PLAGL1: variants seen among roughly 807,000 people sequenced by gnomAD.
PLAGL1 encodes PLAG1 like zinc finger 1.
In PLAGL1, 1 loss-of-function variant was observed where a neutral mutation model predicts 4.6. The observed-to-expected ratio is 0.22, with a 90% CI of 0.08 to 1.03. The LOEUF (loss-of-function observed/expected upper bound fraction) is 1.03. Among genes scored for constraint, PLAGL1 ranks in the 50% least tolerant of loss-of-function variants. The pLI is 0.58. For synonymous variants in PLAGL1, 240 were observed against 237.8 expected, an observed-to-expected ratio of 1.01 and a Z score of -0.08; for missense variants, 464 against 570.4, an observed-to-expected ratio of 0.81 and a Z score of 1.90.
In PLAGL1 at chr6:143,990,378, C is replaced by T. The variant is rs1790208328; in HGVS notation, c.-583-5204G>A. On this transcript the variant is annotated intron_variant, in intron 1 of 7. Coordinates refer to ENST00000674357, the MANE Select transcript of PLAGL1 (RefSeq NM_001317162.2). This position sits in a 1 kb window ranked among gnomAD's most constrained non-coding sequence, Gnocchi z 5.4. ...TCGGGATCCGCCCGCCTTGGCCTCCCAAAGTGCAGGGATTACAGGTGTGAG... is the reference window on the plus strand; with the variant it reads ...TCGGGATCCGCCCGCCTTGGCCTCCTAAAGTGCAGGGATTACAGGTGTGAG... 6.6e-6 allele frequency among the ~76,000 whole-genome samples: 1 copy of T among 152,202 alleles called. No homozygotes were observed. Among genetic ancestry groups the T allele is most frequent in the African/African-American group, 2.4e-5 (1 of 41,440 alleles).
Position 144,005,337 on chromosome 6 carries a change from A to G in PLAGL1, c.-584+2753T>C, listed in dbSNP as rs1793942182. ...TATACTACATAGAAAGCAGCAGTAAATGAAAATCTGCAGTATTTTCAAATG... is the reference window on the plus strand; with the variant it reads ...TATACTACATAGAAAGCAGCAGTAAGTGAAAATCTGCAGTATTTTCAAATG... On this transcript the variant is annotated intron_variant, in intron 1 of 7. Coordinates refer to ENST00000674357, the MANE Select transcript of PLAGL1 (RefSeq NM_001317162.2). This position sits in a 1 kb window ranked among gnomAD's most constrained non-coding sequence, Gnocchi z 4.6. 1 of 152,192 alleles carries G rather than the reference A, an allele frequency of 6.6e-6. No individual in the cohort carries two copies. The highest frequency in any genetic ancestry group is 2.4e-5 in the African/African-American group (1 of 41,456). The allele number at this position is 152,192 out of a possible 1,614,324, so 9.4% of individuals were successfully genotyped here. A position where few individuals can be genotyped will look rare whatever the true frequency, so the allele number is the denominator to read the frequency against.
Position 143,973,011 on chromosome 6 carries a change from G to A in PLAGL1, c.-543-4033C>T, listed in dbSNP as rs1785724116. 6.6e-6 allele frequency among the ~76,000 whole-genome samples: 1 copy of A among 152,060 alleles called. No homozygotes were observed. The highest frequency in any genetic ancestry group is 2.1e-4 in the South Asian group (1 of 4,822). On this transcript the variant is annotated intron_variant, in intron 2 of 7. Coordinates refer to ENST00000674357, the MANE Select transcript of PLAGL1 (RefSeq NM_001317162.2). This position sits in a 1 kb window ranked among gnomAD's most constrained non-coding sequence, Gnocchi z 6.2. The stretch of plus-strand genomic sequence containing the variant: ...GCATGAGAAACTCCCGTCTCCTTTG[G>A]GGTGAATTTCCCAATTCCTCTGTGT...
At chr6:144,038,471 A>G (rs1385816220) in intron 1 of PLAGL1, among the ~76,000 whole-genome samples, 1 of 152,236 alleles carries the variant, frequency 6.6e-6, no homozygotes, top group Non-Finnish European at 1.5e-5. Flanking sequence ...AGGTACTGGC[A>G]TTAAGGCTAG....
intron 1 of PLAGL1, among the ~76,000 whole-genome samples, chr6:144,002,552 C>T (rs1361116165): frequency 1.3e-5 from 2 of 151,864 alleles, no homozygotes; most frequent in Non-Finnish European, 2.9e-5. Context: ...CTGCATACTG[C>T]CAAAACTATA....
intron 2 of PLAGL1, among the ~76,000 whole-genome samples, chr6:143,969,237 A>G (rs1012374113): frequency 6.6e-6 from 1 of 152,022 alleles, no homozygotes; most frequent in African/African-American, 2.4e-5. Context: ...TGGTGCCAGA[A>G]AGCTTAGATT....
intron 1 of PLAGL1, among the ~76,000 whole-genome samples, chr6:144,035,857 G>T (rs1797194318): frequency 6.6e-6 from 1 of 152,076 alleles, no homozygotes; most frequent in African/African-American, 2.4e-5. Context: ...ACAATGTCAA[G>T]AACATTTCTG....
rs145951564 is a variant in PLAGL1, at chr6:143,970,190, C to T, written c.-543-1212G>A. 1.1e-3 allele frequency among the ~76,000 whole-genome samples: 163 copies of T among 152,248 alleles called. 3 individuals carry two copies. The East Asian group carries it at 0.028, about 26-fold the overall frequency. On this transcript the variant is annotated intron_variant, in intron 2 of 7. Transcript: ENST00000674357. This position sits in a 1 kb window ranked among gnomAD's most constrained non-coding sequence, Gnocchi z 5.8. ...GCTGTTGTATGTGTTTTTAAAATAACGAAACCATATCAATTTGAATCTTAC... is the reference window on the plus strand; with the variant it reads ...GCTGTTGTATGTGTTTTTAAAATAATGAAACCATATCAATTTGAATCTTAC...
intron 1 of PLAGL1, among the ~76,000 whole-genome samples, chr6:144,021,005 G>A (rs1795941208): frequency 1.3e-5 from 2 of 150,968 alleles, no homozygotes; most frequent in Admixed American, 6.6e-5. Context: ...AGGACACAGT[G>A]TTTAGGGAGG....
At chr6:143,956,335 C>T (rs1440037118) in intron 6 of PLAGL1, among the ~76,000 whole-genome samples, 1 of 152,184 alleles carries the variant, frequency 6.6e-6, no homozygotes, top group Non-Finnish European at 1.5e-5. Flanking sequence ...ATGGAAGCAG[C>T]CTTGTGGGGG....
Position 143,990,118 on chromosome 6 carries a change from A to ATTTTTTTTTTTTTTTTTTTTTT in PLAGL1, c.-583-4945_-583-4944insAAAAAAAAAAAAAAAAAAAAAA. Among the ~76,000 whole-genome samples the ATTTTTTTTTTTTTTTTTTTTTT allele has an allele frequency of 6.7e-6, 1 of 150,112 alleles. No individual in the cohort carries two copies. ...CACATACTATGCTCTGATATTCCCC[A>ATTTTTTTTTTTTTTTTTTTTTT]ATTTTTTTTTTTTTCTTTTTTGAGA... On this transcript the variant is annotated intron_variant, in intron 1 of 7. Coordinates refer to ENST00000674357, the MANE Select transcript of PLAGL1 (RefSeq NM_001317162.2). This position sits in a 1 kb window ranked among gnomAD's most constrained non-coding sequence, Gnocchi z 5.4.
rs933990998 is a variant in PLAGL1, at chr6:143,960,360, G to C, written c.-325+109C>G. The stretch of plus-strand genomic sequence containing the variant: ...GAGGAAATGTGTTTATTTTCCACTA[G>C]AACCTTTTTGAAGTACCCTGAACCT... On this transcript the variant is annotated intron_variant, in intron 6 of 7. Coordinates refer to ENST00000674357, the MANE Select transcript of PLAGL1 (RefSeq NM_001317162.2). The surrounding 1 kb of genome is among the most constrained non-coding windows in gnomAD (Gnocchi z 5.7). 6.6e-6 allele frequency: 1 copy of C among 152,180 alleles called. No individual in the cohort carries two copies. The highest frequency in any genetic ancestry group is 2.4e-5 in the African/African-American group (1 of 41,438). 9.4% of individuals were successfully genotyped at this position (152,180 alleles called of 1,614,324 possible). A position where few individuals can be genotyped will look rare whatever the true frequency, so the allele number is the denominator to read the frequency against.
rs1171979817 is a variant in PLAGL1, at chr6:143,985,877, G to A, written c.-583-703C>T. Among the ~76,000 whole-genome samples, 2 of 146,742 alleles carry A rather than the reference G, an allele frequency of 1.4e-5. No individual in the cohort carries two copies. Among genetic ancestry groups the A allele is most frequent in the Admixed American group, 6.8e-5 (1 of 14,672 alleles). ...CCTCTGAGTGCTTACCATCGGCCAAGCTACATATTATATATTATTATGTGT... is the reference window on the plus strand; with the variant it reads ...CCTCTGAGTGCTTACCATCGGCCAAACTACATATTATATATTATTATGTGT... On this transcript the variant is annotated intron_variant, in intron 1 of 7. Coordinates refer to ENST00000674357, the MANE Select transcript of PLAGL1 (RefSeq NM_001317162.2). This position sits in a 1 kb window ranked among gnomAD's most constrained non-coding sequence, Gnocchi z 4.4.
intron 1 of PLAGL1, among the ~76,000 whole-genome samples, chr6:144,019,631 T>G (rs1795825270): frequency 6.6e-6 from 1 of 152,102 alleles, no homozygotes. Flanking sequence ...CAAATGCTGA[T>G]GTAGTTAAAC....
chr6:144,043,019 G>C (rs1474125522), intron 1 of PLAGL1, among the ~76,000 whole-genome samples: 1 of 152,162 alleles, frequency 6.6e-6, no homozygotes, highest in Non-Finnish European at 1.5e-5. Flanking sequence ...TTTCCACATT[G>C]ATTTTGTATC....
At chr6:144,049,772 T>C (rs1254193432) in intron 1 of PLAGL1, among the ~76,000 whole-genome samples, 1 of 152,228 alleles carries the variant, frequency 6.6e-6, no homozygotes, top group Non-Finnish European at 1.5e-5. Flanking sequence ...TATGTCACTC[T>C]ATTACTAGTC....
At chr6:144,058,442 C>T (rs1030662346) in intron 1 of PLAGL1, among the ~76,000 whole-genome samples, 9 of 152,226 alleles carry the variant, frequency 5.9e-5, no homozygotes, top group Non-Finnish European at 8.8e-5. Flanking sequence ...CATCATTCTG[C>T]CCCAGCCCCC....
rs1483648759 is a variant in PLAGL1 at position 144,004,719 on chromosome 6, T to C, written c.-584+3371A>G. Among the ~76,000 whole-genome samples the C allele has an allele frequency of 6.6e-6, 1 of 152,036 alleles. No homozygotes were observed. Among genetic ancestry groups the C allele is most frequent in the Non-Finnish European group, 1.5e-5 (1 of 67,984 alleles). On this transcript the variant is annotated intron_variant, in intron 1 of 7. Coordinates refer to ENST00000674357, the MANE Select transcript of PLAGL1 (RefSeq NM_001317162.2). The surrounding 1 kb of genome is among the most constrained non-coding windows in gnomAD (Gnocchi z 4.2). ...ACTTTTTTTTGTTGTACATAAATTA[T>C]AGAACTAAAAAACATATGTAGAATT... is the stretch of plus-strand genomic sequence containing the variant.
rs1786408789 is a variant in PLAGL1 at position 143,975,907 on chromosome 6, A to C, written c.-543-6929T>G. Reference sequence around the variant, plus strand: ...AGACTGTTACCACTTGAAGAGAAAAATACACACAGGGATATCTGTTGTCTG... The same window carrying C: ...AGACTGTTACCACTTGAAGAGAAAACTACACACAGGGATATCTGTTGTCTG... On this transcript the variant is annotated intron_variant, in intron 2 of 7. Coordinates refer to ENST00000674357, the MANE Select transcript of PLAGL1 (RefSeq NM_001317162.2). The surrounding 1 kb of genome is among the most constrained non-coding windows in gnomAD (Gnocchi z 5.8). 6.6e-6 allele frequency among the ~76,000 whole-genome samples: 1 copy of C among 152,240 alleles called. No homozygotes were observed.
At chr6:144,047,057 A>C (rs1798212729) in intron 1 of PLAGL1, among the ~76,000 whole-genome samples, 1 of 152,210 alleles carries the variant, frequency 6.6e-6, no homozygotes, top group Non-Finnish European at 1.5e-5. Context: ...TTGGAAAAGC[A>C]CAGTATTTGG....
Sources: gnomAD v4.1 joint callset for allele counts (sites outside exome capture counted in the v4.1 genomes callset) on GRCh38, gnomAD v4.1.1 for gene constraint, Gnocchi (gnomAD v3.1) non-coding constraint, MANE v1.5 for transcripts, NCBI Gene and HGNC (gene_info 2026-07-23, HGNC 2026-07-21) for gene names.